The following STAG1 variants were observed in gnomAD, a reference collection of about 807,000 sequenced individuals.
The protein encoded by STAG1 is cohesin subunit SA-1.
Under a neutral mutation model 170.9 loss-of-function variants are expected in STAG1, and 26 were observed. The ratio of observed to expected loss-of-function variants is 0.15; its 90% CI spans 0.11 to 0.21. The LOEUF (loss-of-function observed/expected upper bound fraction) is 0.21. Among genes scored for constraint, STAG1 ranks in the 10% least tolerant of loss-of-function variants. The pLI is 1.00. For missense variants in STAG1, 964 were observed against 1,509.5 expected (o/e 0.64, Z 5.99); for synonymous variants, 514 against 497.7 (o/e 1.03, Z -0.44).
intron 1 of STAG1, among the ~76,000 whole-genome samples, chr3:136,702,312 T>C (rs1943107665): frequency 6.6e-6 from 1 of 152,182 alleles, no homozygotes; most frequent in African/African-American, 2.4e-5. Context: ...CAATAAATAT[T>C]GGTCAATATT....
At chr3:136,567,951 TACTTTAAC>T (rs1937141931) in intron 5 of STAG1, among the ~76,000 whole-genome samples, 1 of 152,070 alleles carries the variant, frequency 6.6e-6, no homozygotes, top group Admixed American at 6.6e-5. Context: ...AAATTACACA[TACTTTAAC>T]ACTTTTTACG....
chr3:136,552,957 A>C (rs1936468475), intron 5 of STAG1, among the ~76,000 whole-genome samples: 2 of 152,202 alleles, frequency 1.3e-5, no homozygotes, highest in African/African-American at 2.4e-5. Context: ...AACAAAAAGC[A>C]ACAAAATACA....
chr3:136,463,310 G>C (rs2089328329), intron 13 of STAG1, among the ~76,000 whole-genome samples: 1 of 152,096 alleles, frequency 6.6e-6, no homozygotes, highest in South Asian at 2.1e-4. Context: ...AGTGAGTAGA[G>C]AACAATTTGT....
At chr3:136,686,481 C>T (rs1942537836) in intron 1 of STAG1, among the ~76,000 whole-genome samples, 1 of 152,166 alleles carries the variant, frequency 6.6e-6, no homozygotes, top group Non-Finnish European at 1.5e-5. Flanking sequence ...GAATTGAATT[C>T]CATCTTATTA....
intron 7 of STAG1, chr3:136,518,440 T>A (rs1037474869): frequency 2.9e-6 from 2 of 699,958 alleles, no homozygotes; most frequent in Admixed American, 2.0e-5. Context: ...AAAATGATTA[T>A]CTTTTAATCT....
In STAG1 at chr3:136,406,314, G is replaced by GTT. The variant is rs572744634; in HGVS notation, c.2197-7486_2197-7485insAA. Among the ~76,000 whole-genome samples the GTT allele has an allele frequency of 1.9e-4, 29 of 152,300 alleles. No homozygotes were observed. The South Asian group carries it at 6.0e-3, about 32-fold the overall frequency. On this transcript the variant is annotated intron_variant, in intron 21 of 33. Transcript: ENST00000383202. ...GACATGCTCTCAACGGTTACATGCT[G>GTT]TATGATTTCATTTATTTGGAAATCT...
chr3:136,350,547 G>A (rs1936397805), intron 28 of STAG1, among the ~76,000 whole-genome samples: 1 of 152,202 alleles, frequency 6.6e-6, no homozygotes, highest in East Asian at 1.9e-4. Context: ...TCCAAACCTG[G>A]GGCAAGCTGA....
chr3:136,740,871 T>TA (rs1362790148), intron 1 of STAG1, among the ~76,000 whole-genome samples: 1 of 152,122 alleles, frequency 6.6e-6, no homozygotes, highest in East Asian at 1.9e-4. Context: ...TGATAACATA[T>TA]AACCATAGAG....
At chr3:136,621,684 T>G (rs906887991) in intron 3 of STAG1, among the ~76,000 whole-genome samples, 1 of 152,184 alleles carries the variant, frequency 6.6e-6, no homozygotes, top group South Asian at 2.1e-4. Flanking sequence ...TTTCATCTTG[T>G]TTTTTATTTT....
At chr3:136,503,734 T>C (rs993645916) in intron 7 of STAG1, among the ~76,000 whole-genome samples, 3 of 152,282 alleles carry the variant, frequency 2.0e-5, no homozygotes, top group East Asian at 3.9e-4. Flanking sequence ...TAAAATTTCA[T>C]TATTTTTATT....
chr3:136,477,522 C>G, intron 9 of STAG1, 110 bp from the exon 10 acceptor site: 1 of 989,628 alleles, frequency 1.0e-6, no homozygotes, highest in Middle Eastern at 3.5e-4. Context: ...TATATATTTG[C>G]ATTCTGAATG....
At chr3:136,578,385 C>T (rs1450372219) in intron 4 of STAG1, among the ~76,000 whole-genome samples, 1 of 152,154 alleles carries the variant, frequency 6.6e-6, no homozygotes, top group Non-Finnish European at 1.5e-5. Flanking sequence ...GTGGGCAGCC[C>T]ACAAGAATAC....
chr3:136,424,795 C>G (rs535732188), intron 16 of STAG1, among the ~76,000 whole-genome samples: 4 of 152,300 alleles, frequency 2.6e-5, no homozygotes, highest in South Asian at 2.1e-4. Flanking sequence ...AATACCAATT[C>G]TATCTCACCA....
intron 12 of STAG1, among the ~76,000 whole-genome samples, chr3:136,467,770 C>T (rs1186875072): frequency 6.6e-6 from 1 of 152,164 alleles, no homozygotes; most frequent in Admixed American, 6.6e-5. Flanking sequence ...TAAAGCACTC[C>T]TCAGCAAATG....
intron 6 of STAG1, among the ~76,000 whole-genome samples, chr3:136,523,248 A>T (rs1576561218): frequency 6.6e-6 from 1 of 152,048 alleles, no homozygotes; most frequent in South Asian, 2.1e-4. Context: ...CCGGCTTTTT[A>T]ATGATTGCCA....
In STAG1 at chr3:136,630,895, T is replaced by G. The variant is rs1359256205; in HGVS notation, c.4A>C (p.Ile2Leu). The change falls in exon 2 of 34, where the codon ATT becomes CTT. Residue 2 changes from isoleucine (I) to leucine (L), a missense_variant. This residue lies in a region of STAG1 where 108 missense variants were observed against 120.2 expected (regional missense o/e 0.90). Coordinates refer to ENST00000383202, the MANE Select transcript of STAG1 (RefSeq NM_005862.3). M[I>L]TSELPVLQDS... ...TGTAACACTGGTAATTCTGAAGTAA[T>G]CATTGCTGGAGAGGTCCTTTCACAA... The G allele has an allele frequency of 1.9e-6, 3 of 1,564,614 alleles. No homozygotes were observed. The highest frequency in any genetic ancestry group is 2.6e-6 in the Non-Finnish European group (3 of 1,153,018).
At position 136,572,112 on chromosome 3, in the gene STAG1, G is replaced by A. The variant is rs146223431; in HGVS notation, c.298-3251C>T. Among the ~76,000 whole-genome samples the A allele has an allele frequency of 7.4e-3, 1,131 of 152,264 alleles. 17 individuals are homozygous for A. Among genetic ancestry groups the A allele is most frequent in the African/African-American group, 0.026 (1,078 of 41,546 alleles). ...TGCCTGTAATCCCAGTTACTTAGGA[G>A]GCTGAGGCACAAGAATCACTTGAAC... is the stretch of plus-strand genomic sequence containing the variant. On this transcript the variant is annotated intron_variant, in intron 4 of 33. Transcript: ENST00000383202.
intron 6 of STAG1, among the ~76,000 whole-genome samples, chr3:136,532,588 A>G (rs1324598881): frequency 6.6e-6 from 1 of 152,174 alleles, no homozygotes; most frequent in Non-Finnish European, 1.5e-5. Context: ...CAAAATTTAC[A>G]TAAGGCATTC....
intron 5 of STAG1, among the ~76,000 whole-genome samples, chr3:136,546,907 C>A (rs1203356649): frequency 6.6e-6 from 1 of 152,206 alleles, no homozygotes; most frequent in Non-Finnish European, 1.5e-5. Flanking sequence ...TCAACCTGTG[C>A]TTCAAAGCTA....
Sources: allele counts gnomAD v4.1 joint callset (sites outside exome capture counted in the v4.1 genomes callset), GRCh38; gene constraint gnomAD v4.1.1; regional missense constraint gnomAD v4.1.1; transcripts MANE v1.5; gene names NCBI Gene and HGNC (gene_info 2026-07-23, HGNC 2026-07-21).